The following ATP8A2 variants were observed in gnomAD, a reference collection of about 807,000 sequenced individuals.
ATP8A2 encodes phospholipid-transporting ATPase IB.
Under a neutral mutation model 165.6 loss-of-function variants are expected in ATP8A2, and 100 were observed. That is an observed-to-expected ratio of 0.60 (90% CI 0.51 to 0.71). The LOEUF is 0.71. Among genes scored for constraint, ATP8A2 ranks in the 30% least tolerant of loss-of-function variants. The pLI is 0.00. For synonymous variants in ATP8A2, 543 were observed against 548.8 expected (o/e 0.99, Z 0.15); for missense variants, 1,227 against 1,479.5 (o/e 0.83, Z 2.80).
At chr13:25,538,197 A>C in intron 7 of ATP8A2, 136 bp downstream of exon 7, 1 of 568,448 alleles carries the variant, frequency 1.8e-6, no homozygotes, top group Non-Finnish European at 3.1e-6. Context: ...ATTTCTTGTC[A>C]TTTCCCTTCT....
At chr13:25,639,841 A>G (rs1283307947) in intron 24 of ATP8A2, among the ~76,000 whole-genome samples, 1 of 152,224 alleles carries the variant, frequency 6.6e-6, no homozygotes, top group East Asian at 1.9e-4. Flanking sequence ...AAAATTGACC[A>G]CATAGTTGGA....
chr13:25,757,900 T>C (rs1000697775), intron 25 of ATP8A2, among the ~76,000 whole-genome samples: 2 of 152,150 alleles, frequency 1.3e-5, no homozygotes, highest in African/African-American at 4.8e-5. Flanking sequence ...AGCTCTATTC[T>C]GAAGGCACAG....
chr13:25,507,729 G>A (rs1472158932), intron 2 of ATP8A2, among the ~76,000 whole-genome samples: 3 of 152,126 alleles, frequency 2.0e-5, no homozygotes, highest in African/African-American at 7.2e-5. Context: ...AATGAGGTTG[G>A]GGAAGAACTT....
intron 24 of ATP8A2, among the ~76,000 whole-genome samples, chr13:25,615,699 A>G (rs992765251): frequency 1.1e-4 from 16 of 152,070 alleles, no homozygotes; most frequent in African/African-American, 4.8e-5. Context: ...TACTCTGGGG[A>G]CTGAGAGATC....
At chr13:25,938,836 C>T (rs1954988506) in intron 33 of ATP8A2, among the ~76,000 whole-genome samples, 1 of 151,288 alleles carries the variant, frequency 6.6e-6, no homozygotes, top group Non-Finnish European at 1.5e-5. Flanking sequence ...TCCATCATCC[C>T]TTCTCCTTTC....
At position 25,513,053 on chromosome 13, in the gene ATP8A2, G is replaced by C. The variant is rs534738132; in HGVS notation, c.222-16946G>C. On this transcript the variant is annotated intron_variant, in intron 2 of 36. Transcript: ENST00000381655. ...TCCCGGACGGGGCGGCTGGCCTGGC[G>C]GGGGCTGACCCCCACCTCCCTCCCG... is the stretch of plus-strand genomic sequence containing the variant. 4.7e-3 allele frequency among the ~76,000 whole-genome samples: 691 copies of C among 148,256 alleles called. 6 individuals are homozygous for C. Among genetic ancestry groups the C allele is most frequent in the African/African-American group, 0.016 (663 of 40,272 alleles).
At chr13:25,515,458 C>T (rs1369954244) in intron 2 of ATP8A2, among the ~76,000 whole-genome samples, 1 of 152,260 alleles carries the variant, frequency 6.6e-6, no homozygotes, top group South Asian at 2.1e-4. Context: ...AGGCCAGGGC[C>T]CTTGCTTAGG....
intron 1 of ATP8A2, among the ~76,000 whole-genome samples, chr13:25,436,143 G>T (rs1178460929): frequency 6.6e-6 from 1 of 151,560 alleles, no homozygotes; most frequent in Non-Finnish European, 1.5e-5. Context: ...TTTAGACTCA[G>T]GGGGTACATG....
intron 33 of ATP8A2, among the ~76,000 whole-genome samples, chr13:25,917,569 C>A (rs1234408350): frequency 6.6e-6 from 1 of 152,204 alleles, no homozygotes; most frequent in African/African-American, 2.4e-5. Flanking sequence ...AGGCTATAGT[C>A]TTGGGCCTCA....
chr13:25,506,957 A>ATATATATATC lies in ATP8A2; in HGVS notation c.222-23037_222-23036insATATCTATAT, dbSNP rs1244662360. ...GTACAGTACATATATATATATATAT[A>ATATATATATC]TATATCTTATTTTACATATAAAACT... is the stretch of plus-strand genomic sequence containing the variant. On this transcript the variant is annotated intron_variant, in intron 2 of 36. Coordinates refer to ENST00000381655, the MANE Select transcript of ATP8A2 (RefSeq NM_016529.6). 3.7e-4 allele frequency among the ~76,000 whole-genome samples: 55 copies of ATATATATATC among 147,346 alleles called. 1 individual carries two copies. In the South Asian group the frequency reaches 6.4e-3, roughly 17 times the overall value.
rs1288137271 is a variant in ATP8A2, at chr13:26,019,882, T to C, written c.3470-6T>C. On this transcript the variant is annotated splice_polypyrimidine_tract_variant and splice_region_variant and intron_variant, in intron 36 of 36. Coordinates refer to ENST00000381655, the MANE Select transcript of ATP8A2 (RefSeq NM_016529.6). ...AACCAGTTTCTCCTGTGTGCTTCAC[T>C]TTCAGATGGGTATGCTTTTTCTCAA... 6.2e-7 allele frequency: 1 copy of C among 1,610,262 alleles called. No individual in the cohort carries two copies. Among genetic ancestry groups the C allele is most frequent in the Non-Finnish European group, 8.5e-7 (1 of 1,176,458 alleles).
At chr13:25,885,881 G>T (rs911719225) in intron 33 of ATP8A2, among the ~76,000 whole-genome samples, 2 of 152,206 alleles carry the variant, frequency 1.3e-5, no homozygotes, top group South Asian at 4.1e-4. Context: ...ACTATTAACC[G>T]TTAATAACCA....
intron 1 of ATP8A2, among the ~76,000 whole-genome samples, chr13:25,377,921 C>T (rs2137911901): frequency 6.6e-6 from 1 of 152,258 alleles, no homozygotes; most frequent in Non-Finnish European, 1.5e-5. Flanking sequence ...GAGTTCGAGA[C>T]CAGCCTGTAC....
chr13:25,718,819 A>G (rs1200747179), intron 25 of ATP8A2, among the ~76,000 whole-genome samples: 1 of 152,258 alleles, frequency 6.6e-6, no homozygotes, highest in Non-Finnish European at 1.5e-5. Context: ...TTAGTGATAG[A>G]TGAAACTTAG....
intron 15 of ATP8A2, among the ~76,000 whole-genome samples, chr13:25,562,931 T>A (rs1353755538): frequency 6.6e-6 from 1 of 152,198 alleles, no homozygotes; most frequent in Non-Finnish European, 1.5e-5. Context: ...ACCTCACAGG[T>A]GCCTTGTGCT....
At chr13:25,865,763 C>T (rs757975799) in intron 33 of ATP8A2, among the ~76,000 whole-genome samples, 6 of 152,184 alleles carry the variant, frequency 3.9e-5, no homozygotes, top group Non-Finnish European at 7.3e-5. Context: ...GCATCCTTCC[C>T]CTCCTGAAAA....
chr13:25,777,047 G>A (rs1372924599), intron 27 of ATP8A2, among the ~76,000 whole-genome samples: 1 of 152,004 alleles, frequency 6.6e-6, no homozygotes, highest in East Asian at 1.9e-4. Context: ...CTATTTGGAA[G>A]GAGGCCCTGA....
intron 2 of ATP8A2, among the ~76,000 whole-genome samples, chr13:25,514,311 C>A (rs1022666188): frequency 6.6e-6 from 1 of 152,172 alleles, no homozygotes; most frequent in Non-Finnish European, 1.5e-5. Flanking sequence ...CTAAAATATT[C>A]TTTTAAAGTT....
intron 36 of ATP8A2, among the ~76,000 whole-genome samples, chr13:26,014,435 G>A (rs1956919960): frequency 6.6e-6 from 1 of 152,176 alleles, no homozygotes; most frequent in Admixed American, 6.5e-5. Context: ...CAATGTGTAA[G>A]AAAACAGGAA....
Sources: gnomAD v4.1 joint callset for allele counts (sites outside exome capture counted in the v4.1 genomes callset) on GRCh38, gnomAD v4.1.1 for gene constraint, MANE v1.5 for transcripts, NCBI Gene and HGNC (gene_info 2026-07-23, HGNC 2026-07-21) for gene names.